DMD: variants seen among roughly 807,000 people sequenced by gnomAD.
DMD encodes the protein dystrophin.
In DMD, 63 loss-of-function variants were observed where a neutral mutation model predicts 330.1. The ratio of observed to expected loss-of-function variants is 0.19; its 90% confidence interval spans 0.16 to 0.24. The LOEUF is 0.24. Ranked by LOEUF, DMD falls within the 10% of genes least tolerant of loss-of-function variation. The pLI is 1.00. For synonymous variants in DMD, 1,223 were observed against 959.8 expected, an observed-to-expected ratio of 1.27 and a Z score of -5.07; for missense variants, 3,344 against 2,684.1, an observed-to-expected ratio of 1.25 and a Z score of -5.43.
At chrX:33,099,093 G>A (rs912943636) in intron 1 of DMD, among the ~76,000 whole-genome samples, 2 of 111,982 alleles carry the variant, frequency 1.8e-5, no homozygotes, top group Non-Finnish European at 3.8e-5. Flanking sequence ...TCTTTATTAC[G>A]GCTAGTAGAT....
At chrX:31,167,537 A>C (rs1012844643) in intron 74 of DMD, among the ~76,000 whole-genome samples, 2 of 111,612 alleles carry the variant, frequency 1.8e-5, no homozygotes, top group Non-Finnish European at 3.8e-5. Context: ...TGGTAACATC[A>C]AATTCTATTT....
At position 32,856,961 on chromosome X, in the gene DMD, G is replaced by A. The variant is rs191262610; in HGVS notation, c.94-7141C>T. 3.6e-5 allele frequency among the ~76,000 whole-genome samples: 4 copies of A among 110,503 alleles called. No homozygotes were observed. In the East Asian group the frequency reaches 8.6e-4, roughly 24 times the overall value. On this transcript the variant is annotated intron_variant, in intron 2 of 78. Coordinates refer to ENST00000357033, the MANE Select transcript of DMD (RefSeq NM_004006.3). ...TTGGTGGCGGGCACCTGCAGTCCCAGCTACTTGGGAGGCTGAGGCAGGAGA... is the reference window on the plus strand; with the variant it reads ...TTGGTGGCGGGCACCTGCAGTCCCAACTACTTGGGAGGCTGAGGCAGGAGA...
intron 27 of DMD, among the ~76,000 whole-genome samples, chrX:32,442,391 C>T (rs1389506124): frequency 3.6e-5 from 4 of 110,890 alleles, no homozygotes; most frequent in Non-Finnish European, 7.6e-5. Flanking sequence ...TATGTATATA[C>T]ATTAAACATG....
intron 15 of DMD, among the ~76,000 whole-genome samples, chrX:32,572,511 T>C (rs1036271886): frequency 1.8e-5 from 2 of 108,579 alleles, no homozygotes; most frequent in Admixed American, 2.0e-4. Context: ...CCTCTTTTAC[T>C]AGAAATGATA....
At chrX:31,265,261 T>C (rs1312825663) in intron 62 of DMD, among the ~76,000 whole-genome samples, 2 of 112,419 alleles carry the variant, frequency 1.8e-5, no homozygotes, top group African/African-American at 6.5e-5. Context: ...AGAGGAACCT[T>C]GGCATTTGCG....
intron 1 of DMD, among the ~76,000 whole-genome samples, chrX:33,219,986 T>C (rs2052142155): frequency 9.0e-6 from 1 of 110,669 alleles, no homozygotes. Flanking sequence ...GCAAGAGAGG[T>C]AATTTGTTTC....
At chrX:32,558,863 A>T (rs1316876975) in intron 16 of DMD, among the ~76,000 whole-genome samples, 1 of 110,127 alleles carries the variant, frequency 9.1e-6, no homozygotes, top group Non-Finnish European at 1.9e-5. Flanking sequence ...CCATTCTCAA[A>T]TACCTATTAT....
At chrX:33,201,829 A>T (rs1401915034) in intron 1 of DMD, among the ~76,000 whole-genome samples, 1 of 112,531 alleles carries the variant, frequency 8.9e-6, no homozygotes, top group Non-Finnish European at 1.9e-5. Flanking sequence ...TTGCCTGTAC[A>T]TAACTGAAAT....
chrX:32,836,957 G>C (rs1169438634), intron 4 of DMD, among the ~76,000 whole-genome samples: 1 of 111,393 alleles, frequency 9.0e-6, no homozygotes, highest in Non-Finnish European at 1.9e-5. Context: ...GTGACTCTCA[G>C]CGTGTCTTTC....
At chrX:32,191,624 G>C (rs1432207545) in intron 44 of DMD, among the ~76,000 whole-genome samples, 1 of 111,148 alleles carries the variant, frequency 9.0e-6, no homozygotes, top group Non-Finnish European at 1.9e-5. Context: ...GTATCCATGG[G>C]GGATTGGTTC....
chrX:33,235,913 A>T lies in DMD; in HGVS notation c.7+103346T>A, dbSNP rs112723765. Among the ~76,000 whole-genome samples the T allele has an allele frequency of 9.6e-3, 929 of 97,132 alleles. 5 individuals are homozygous for T. Among genetic ancestry groups the T allele is most frequent in the East Asian group, 0.034 (110 of 3,269 alleles). The allele number at this position is 97,132 out of a possible 115,157, so 84.3% of individuals were successfully genotyped here. On this transcript the variant is annotated intron_variant, in intron 1 of 17. Transcript: ENST00000288447. ...GCCAACTTATATTATTATTATTATT[A>T]TTATTTTTTTTTTTTTTTATGAGAC... is the stretch of plus-strand genomic sequence containing the variant.
chrX:32,836,751 A>C (rs1013896358), intron 4 of DMD, among the ~76,000 whole-genome samples: 3 of 112,063 alleles, frequency 2.7e-5, no homozygotes, highest in African/African-American at 9.7e-5. Flanking sequence ...AACCTTAATC[A>C]AACTTAATTT....
At chrX:32,533,197 A>T (rs188241255) in intron 17 of DMD, among the ~76,000 whole-genome samples, 1 of 111,496 alleles carries the variant, frequency 9.0e-6, no homozygotes, top group Non-Finnish European at 1.9e-5. Flanking sequence ...CACAGTAGCC[A>T]TATCATATTT....
intron 49 of DMD, among the ~76,000 whole-genome samples, chrX:31,833,724 C>A (rs1279102136): frequency 1.8e-5 from 2 of 110,760 alleles, no homozygotes; most frequent in South Asian, 3.8e-4. Flanking sequence ...GGGAGGTGAG[C>A]GTAGGAGCTG....
At chrX:31,234,606 A>C (rs1042128680) in intron 63 of DMD, among the ~76,000 whole-genome samples, 2 of 112,019 alleles carry the variant, frequency 1.8e-5, no homozygotes, top group African/African-American at 3.3e-5. Flanking sequence ...CCAGGGGTTA[A>C]AGATTCAGGT....
chrX:32,200,500 T>C (rs1005954628), intron 44 of DMD, among the ~76,000 whole-genome samples: 1 of 111,370 alleles, frequency 9.0e-6, no homozygotes, highest in African/African-American at 3.3e-5. Context: ...ACATATGTGT[T>C]GCATACATAT....
intron 7 of DMD, among the ~76,000 whole-genome samples, chrX:32,732,054 G>A (rs758410141): frequency 6.4e-4 from 71 of 111,731 alleles, no homozygotes; most frequent in Non-Finnish European, 1.1e-3. Flanking sequence ...AACCATTACA[G>A]AGAAGTGCTT....
At chrX:31,989,645 A>G (rs1483126018) in intron 44 of DMD, among the ~76,000 whole-genome samples, 1 of 111,221 alleles carries the variant, frequency 9.0e-6, no homozygotes, top group Non-Finnish European at 1.9e-5. Context: ...AAACATGCTA[A>G]TACGGGGAAA....
intron 39 of DMD, among the ~76,000 whole-genome samples, chrX:32,343,594 C>G (rs1456732): frequency 9.1e-6 from 1 of 109,550 alleles, no homozygotes; most frequent in African/African-American, 3.3e-5. Flanking sequence ...AGTTTATGTG[C>G]AAGAGTTTAA....
Sources: gnomAD v4.1 joint callset for allele counts (sites outside exome capture counted in the v4.1 genomes callset) on GRCh38, gnomAD v4.1.1 for gene constraint, MANE v1.5 for transcripts, NCBI Gene and HGNC (gene_info 2026-07-23, HGNC 2026-07-21) for gene names.